Variants in DLG2 observed in about 807,000 individuals in gnomAD.
The protein encoded by DLG2 is discs large MAGUK scaffold protein 2.
A neutral mutation model predicts 132.5 loss-of-function variants in DLG2; 45 were observed. The observed-to-expected ratio is 0.34, with a 90% CI of 0.27 to 0.44. DLG2 has a LOEUF of 0.44. DLG2 is among the 20% of genes least tolerant of loss of function. DLG2 has a pLI of 1.00. For synonymous variants in DLG2, 424 were observed against 419.6 expected, an observed-to-expected ratio of 1.01 and a Z score of -0.13; for missense variants, 1,045 against 1,196.9, an observed-to-expected ratio of 0.87 and a Z score of 1.87.
At chr11:85,132,507 G>C (rs182466460) in intron 5 of DLG2, among the ~76,000 whole-genome samples, 2 of 150,222 alleles carry the variant, frequency 1.3e-5, no homozygotes, top group African/African-American at 5.0e-5. Flanking sequence ...AGCAAATCCT[G>C]CCATAAAAAA....
At chr11:84,276,475 T>C (rs2097784101) in intron 7 of DLG2, among the ~76,000 whole-genome samples, 2 of 152,242 alleles carry the variant, frequency 1.3e-5, no homozygotes, top group Non-Finnish European at 2.9e-5. Context: ...AGCTCTACTA[T>C]GTGCCAAGAA....
intron 6 of DLG2, among the ~76,000 whole-genome samples, chr11:84,827,287 G>A (rs2078445925): frequency 6.6e-6 from 1 of 151,442 alleles, no homozygotes; most frequent in Non-Finnish European, 1.5e-5. Context: ...GGCTAGATAG[G>A]ACAGTGATTA....
At chr11:84,292,709 T>A (rs528882370) in intron 7 of DLG2, among the ~76,000 whole-genome samples, 24 of 152,138 alleles carry the variant, frequency 1.6e-4, no homozygotes, top group Non-Finnish European at 3.2e-4. Context: ...AAAGTTTAGA[T>A]GCGAGAAATT....
At chr11:83,461,701 G>A in intron 27 of DLG2, 1 of 283,286 alleles carries the variant, frequency 3.5e-6, no homozygotes, top group Non-Finnish European at 6.7e-6. Flanking sequence ...AGTTTAATGA[G>A]GTAGCAATGC....
In DLG2 at chr11:84,499,749, C is replaced by CCT. The variant is rs145968511; in HGVS notation, c.519+34819_519+34820dup. ...CTGTTTCTCTCTCTATATATTCCTT[C>CCT]CTCTCTCTCTCTCTCTCTCACATGC... On this transcript the variant is annotated intron_variant, in intron 7 of 27. Coordinates refer to ENST00000376104, the MANE Select transcript of DLG2 (RefSeq NM_001142699.3). Among the ~76,000 whole-genome samples the CCT allele has an allele frequency of 6.3e-4, 94 of 148,476 alleles. 1 individual carries two copies. In the South Asian group the frequency reaches 0.012, roughly 19 times the overall value.
At chr11:84,330,563 C>A (rs558483172) in intron 7 of DLG2, among the ~76,000 whole-genome samples, 2 of 152,256 alleles carry the variant, frequency 1.3e-5, no homozygotes, top group African/African-American at 2.4e-5. Flanking sequence ...AAAACCTGTG[C>A]AAAATGACAT....
At chr11:84,681,320 AT>A (rs755879544) in intron 6 of DLG2, among the ~76,000 whole-genome samples, 1 of 152,084 alleles carries the variant, frequency 6.6e-6, no homozygotes, top group Admixed American at 6.5e-5. Context: ...ATCTTATTTC[AT>A]TTTTATTTCT....
intron 11 of DLG2, among the ~76,000 whole-genome samples, chr11:84,005,187 A>G (rs1456166302): frequency 6.6e-6 from 1 of 152,060 alleles, no homozygotes; most frequent in Non-Finnish European, 1.5e-5. Context: ...GAAGTCAGAA[A>G]TACATCCACA....
At chr11:84,716,637 C>T (rs918567296) in intron 6 of DLG2, among the ~76,000 whole-genome samples, 1 of 151,340 alleles carries the variant, frequency 6.6e-6, no homozygotes, top group African/African-American at 2.4e-5. Context: ...TTTTAGAAGA[C>T]CTCCTTCCCC....
In DLG2 at chr11:83,456,434, C is replaced by T. The variant is rs1239727837; in HGVS notation, c.*3384G>A. 1 of 152,618 alleles carries T rather than the reference C, an allele frequency of 6.6e-6. No homozygotes were observed. The highest frequency in any genetic ancestry group is 2.4e-5 in the African/African-American group (1 of 41,418). The allele number at this position is 152,618 out of a possible 1,614,324, so 9.5% of individuals were successfully genotyped here. On this transcript the variant is annotated 3_prime_UTR_variant, in exon 28 of 28. Coordinates refer to ENST00000376104, the MANE Select transcript of DLG2 (RefSeq NM_001142699.3). Reference sequence around the variant, plus strand: ...GCATGGACTTGCTGTCTGAATCAGCCATGAGCCCTTTAGAGGACAGAAAAA... The same window carrying T: ...GCATGGACTTGCTGTCTGAATCAGCTATGAGCCCTTTAGAGGACAGAAAAA...
intron 18 of DLG2, among the ~76,000 whole-genome samples, chr11:83,714,351 G>T (rs2086197253): frequency 6.6e-6 from 1 of 151,958 alleles, no homozygotes; most frequent in African/African-American, 2.4e-5. Flanking sequence ...TTAATTGAGG[G>T]CTATCAAGCC....
At chr11:84,335,703 T>C (rs2098481648) in intron 7 of DLG2, among the ~76,000 whole-genome samples, 1 of 152,204 alleles carries the variant, frequency 6.6e-6, no homozygotes, top group Non-Finnish European at 1.5e-5. Context: ...CTGTGGGACC[T>C]CAGGCAAGTC....
intron 11 of DLG2, among the ~76,000 whole-genome samples, chr11:83,988,311 AG>A (rs2093473357): frequency 6.6e-6 from 1 of 152,052 alleles, no homozygotes; most frequent in Non-Finnish European, 1.5e-5. Context: ...TTTTTGTACA[AG>A]GTATAAGGAA....
At chr11:85,299,515 C>T (rs2079450854) in intron 3 of DLG2, among the ~76,000 whole-genome samples, 1 of 152,178 alleles carries the variant, frequency 6.6e-6, no homozygotes, top group South Asian at 2.1e-4. Flanking sequence ...CCCTTCCTCC[C>T]CATTATTGCC....
chr11:85,374,260 T>C (rs945191156), intron 3 of DLG2, among the ~76,000 whole-genome samples: 10 of 152,052 alleles, frequency 6.6e-5, no homozygotes, highest in African/African-American at 2.4e-4. Flanking sequence ...TGTGGTGAAC[T>C]GGGAGAAAAA....
chr11:83,690,231 A>G (rs1423407530), intron 18 of DLG2, among the ~76,000 whole-genome samples: 5 of 150,982 alleles, frequency 3.3e-5, no homozygotes, highest in African/African-American at 1.2e-4. Flanking sequence ...AAGATCTCCT[A>G]GACAGAAAAG....
chr11:84,881,014 T>C (rs1271711218), intron 6 of DLG2, among the ~76,000 whole-genome samples: 1 of 152,074 alleles, frequency 6.6e-6, no homozygotes, highest in Non-Finnish European at 1.5e-5. Context: ...TTGTAAATAA[T>C]TATACGAGGA....
At chr11:84,413,504 G>A (rs2098917349) in intron 7 of DLG2, among the ~76,000 whole-genome samples, 1 of 152,158 alleles carries the variant, frequency 6.6e-6, no homozygotes, top group Non-Finnish European at 1.5e-5. Context: ...AGATACCAAA[G>A]AGATCCAGAA....
chr11:85,207,556 G>A (rs1412108678), intron 4 of DLG2, among the ~76,000 whole-genome samples: 3 of 151,978 alleles, frequency 2.0e-5, no homozygotes, highest in Non-Finnish European at 4.4e-5. Context: ...CTTTTTTAAT[G>A]CAATTCTCAG....
Sources: allele counts gnomAD v4.1 joint callset (sites outside exome capture counted in the v4.1 genomes callset), GRCh38; gene constraint gnomAD v4.1.1; transcripts MANE v1.5; gene names NCBI Gene and HGNC (gene_info 2026-07-23, HGNC 2026-07-21).